Variants in RTN4 observed in about 807,000 individuals in gnomAD.
RTN4 encodes reticulon-4.
Under a neutral mutation model 90.4 loss-of-function variants are expected in RTN4, and 32 were observed. The ratio of observed to expected loss-of-function variants is 0.35; its 90% confidence interval spans 0.27 to 0.48. RTN4 has a LOEUF of 0.48. RTN4 is among the 20% of genes least tolerant of loss of function. The pLI is 0.99. For missense variants in RTN4, 1,706 were observed against 1,430.2 expected (o/e 1.19, Z -3.11); for synonymous variants, 629 against 552.5 (o/e 1.14, Z -1.94).
chr2:55,092,688 C>A (rs1558876726), intron 1 of RTN4, among the ~76,000 whole-genome samples: 1 of 152,232 alleles, frequency 6.6e-6, no homozygotes. Context: ...CTGGTAAAAG[C>A]CTCACTCATT....
chr2:55,011,757 A>G (rs1400443775), intron 3 of RTN4, among the ~76,000 whole-genome samples: 1 of 152,216 alleles, frequency 6.6e-6, no homozygotes, highest in Non-Finnish European at 1.5e-5. Context: ...TGAGAGGGGA[A>G]AAAGGAAGTG....
At chr2:55,011,305 G>A (rs905354443) in intron 3 of RTN4, among the ~76,000 whole-genome samples, 8 of 152,060 alleles carry the variant, frequency 5.3e-5, no homozygotes, top group African/African-American at 1.9e-4. Flanking sequence ...GGGATTACAG[G>A]TATGAGCCAC....
At chr2:55,128,482 C>A in the RTN4 span, among the ~76,000 whole-genome samples, 1 of 152,246 alleles carries the variant, frequency 6.6e-6, no homozygotes, top group South Asian at 2.1e-4. Flanking sequence ...ACTCCACTTG[C>A]GCTTCTCTCC....
At chr2:55,005,072 G>T (rs1019820629) in intron 3 of RTN4, among the ~76,000 whole-genome samples, 2 of 152,168 alleles carry the variant, frequency 1.3e-5, no homozygotes, top group Non-Finnish European at 2.9e-5. Flanking sequence ...CCTTCAGTGT[G>T]GCTAGCGACA....
chr2:54,975,698 C>G (rs62134816), intron 5 of RTN4, among the ~76,000 whole-genome samples: 8 of 152,148 alleles, frequency 5.3e-5, no homozygotes, highest in Non-Finnish European at 1.2e-4. Flanking sequence ...TATCTTTCTC[C>G]ATGTATTAAA....
chr2:55,110,310 CAAAA>C (rs11289091), intron 1 of RTN4, among the ~76,000 whole-genome samples: 9 of 96,236 alleles, frequency 9.4e-5, no homozygotes, highest in South Asian at 3.7e-4. Context: ...GACCCTGTCT[CAAAA>C]AAAAAAAAAA....
intron 2 of RTN4, among the ~76,000 whole-genome samples, chr2:55,073,227 G>C (rs1377800346): frequency 6.6e-6 from 1 of 152,084 alleles, no homozygotes; most frequent in Non-Finnish European, 1.5e-5. Flanking sequence ...CCTTTTTCTT[G>C]CCTGCTGGGG....
At chr2:55,055,344 T>G (rs1462753807), upstream of RTN4, among the ~76,000 whole-genome samples, 3 of 152,008 alleles carry the variant, frequency 2.0e-5, no homozygotes. Flanking sequence ...AACAACTCAT[T>G]CTAATATATA....
chr2:55,070,983 A>G (rs1452093044), intron 2 of RTN4, among the ~76,000 whole-genome samples: 1 of 151,430 alleles, frequency 6.6e-6, no homozygotes, highest in African/African-American at 2.4e-5. Context: ...TCACTGTGTT[A>G]GCCAGGATGG....
At chr2:55,000,521 A>G (rs1015570115) in intron 3 of RTN4, among the ~76,000 whole-genome samples, 1 of 152,178 alleles carries the variant, frequency 6.6e-6, no homozygotes, top group African/African-American at 2.4e-5. Context: ...CCCTTTCTAC[A>G]ATAATTTTGT....
rs556320165 is a variant in RTN4 at position 54,973,802 on chromosome 2, C to CAGTT, written c.3477+15_3477+18dup. On this transcript the variant is annotated intron_variant, in intron 7 of 8. Transcript: ENST00000337526. ...AGTGAGTGCTCTATTCTGAAGTCAG[C>CAGTT]AGTTAGTTAGGAAATTACCTGATGC... 16,093 of 1,609,270 alleles carry CAGTT rather than the reference C, an allele frequency of 0.01. 110 individuals carry two copies. The highest frequency in any genetic ancestry group is 0.016 in the Middle Eastern group (94 of 6,046).
intron 1 of RTN4, among the ~76,000 whole-genome samples, chr2:55,032,035 AG>A (rs1682352305): frequency 6.6e-6 from 1 of 152,218 alleles, no homozygotes; most frequent in South Asian, 2.1e-4. Flanking sequence ...ACCATAAATA[AG>A]AAAGAATAGC....
the RTN4 span, among the ~76,000 whole-genome samples, chr2:55,133,543 C>A: frequency 6.6e-6 from 1 of 152,326 alleles, no homozygotes; most frequent in South Asian, 2.1e-4. Flanking sequence ...GTGTTCAGTT[C>A]AATTCCGTTA....
At chr2:55,083,420 T>A (rs559704470) in intron 1 of RTN4, among the ~76,000 whole-genome samples, 12 of 151,974 alleles carry the variant, frequency 7.9e-5, no homozygotes, top group Admixed American at 5.9e-4. Flanking sequence ...TGCTTGAGCC[T>A]GGGAGGCAGA....
At chr2:55,080,901 C>T (rs2920891) in intron 1 of RTN4, among the ~76,000 whole-genome samples, 1 of 152,008 alleles carries the variant, frequency 6.6e-6, no homozygotes, top group African/African-American at 2.4e-5. Context: ...GTAAAGAATG[C>T]GCAATCTTTA....
chr2:54,997,964 G>A (rs1679563236), intron 3 of RTN4, among the ~76,000 whole-genome samples: 1 of 152,074 alleles, frequency 6.6e-6, no homozygotes, highest in South Asian at 2.1e-4. Flanking sequence ...AGTTTCTAGG[G>A]CATACGCTAG....
At chr2:54,981,416 A>C (rs1678116647) in intron 5 of RTN4, among the ~76,000 whole-genome samples, 1 of 152,182 alleles carries the variant, frequency 6.6e-6, no homozygotes, top group Admixed American at 6.5e-5. Context: ...TATAAACTAG[A>C]ACATTTCTCT....
intron 1 of RTN4, among the ~76,000 whole-genome samples, chr2:55,102,737 A>G (rs776960959): frequency 1.3e-5 from 2 of 152,110 alleles, no homozygotes; most frequent in South Asian, 4.1e-4. Context: ...TTATAAAACA[A>G]AACTCTATAG....
intron 5 of RTN4, among the ~76,000 whole-genome samples, chr2:54,975,360 G>A (rs1677536995): frequency 6.6e-6 from 1 of 152,138 alleles, no homozygotes. Context: ...GTGTATGTCT[G>A]GCAATCACTT....
Sources: gnomAD v4.1 joint callset for allele counts (sites outside exome capture counted in the v4.1 genomes callset) on GRCh38, gnomAD v4.1.1 for gene constraint, MANE v1.5 for transcripts, NCBI Gene and HGNC (gene_info 2026-07-23, HGNC 2026-07-21) for gene names.